The following TMTC1 variants were observed in gnomAD, a reference collection of about 807,000 sequenced individuals.
The protein encoded by TMTC1 is transmembrane O-mannosyltransferase targeting cadherins 1.
Under a neutral mutation model 104.8 loss-of-function variants are expected in TMTC1, and 73 were observed. That is an observed-to-expected ratio of 0.70 (90% CI 0.58 to 0.85). The LOEUF (loss-of-function observed/expected upper bound fraction) is 0.85. TMTC1 is among the 40% of genes least tolerant of loss of function. The pLI, the probability that TMTC1 is intolerant of heterozygous loss-of-function variation, is 0.00. For missense variants in TMTC1, 1,035 were observed against 1,096.1 expected (o/e 0.94, Z 0.79); for synonymous variants, 434 against 428.7 (o/e 1.01, Z -0.15).
chr12:29,592,278 C>T (rs774451805), intron 7 of TMTC1, among the ~76,000 whole-genome samples: 4 of 152,094 alleles, frequency 2.6e-5, no homozygotes, highest in Non-Finnish European at 5.9e-5. Flanking sequence ...TTTCTCCCCT[C>T]GTTTTTTATC....
rs11050276 is a variant in TMTC1, at chr12:29,536,022, C to T, written c.1785+187G>A. ...ACGGACCATCTTTGTCTAAAAGCGA[C>T]CTGTGATACACAGAGAATATTGGAG... On this transcript the variant is annotated intron_variant, in intron 11 of 17. Coordinates refer to ENST00000539277, the MANE Select transcript of TMTC1 (RefSeq NM_001193451.2). 5.1e-4 allele frequency: 289 copies of T among 562,958 alleles called. 1 individual carries two copies. In the East Asian group the frequency reaches 6.9e-3, roughly 13 times the overall value. The allele number at this position is 562,958 out of a possible 1,614,324, so 34.9% of individuals were successfully genotyped here. A position where few individuals can be genotyped will look rare whatever the true frequency, so the allele number is the denominator to read the frequency against.
Position 29,506,722 on chromosome 12 carries a change from A to T in TMTC1, c.*124T>A. ...ACCAGCAGATGTCCCAAAATGTGTC[A>T]CCCTGAACTCGGAATGAGAGAAAAT... On this transcript the variant is annotated 3_prime_UTR_variant, in exon 18 of 18. Transcript: ENST00000539277. The T allele has an allele frequency of 7.8e-7, 1 of 1,276,350 alleles. No homozygotes were observed. Among genetic ancestry groups the T allele is most frequent in the Non-Finnish European group, 1.1e-6 (1 of 899,204 alleles). The allele number at this position is 1,276,350 out of a possible 1,614,324, so 79.1% of individuals were successfully genotyped here.
chr12:29,507,524 T>C (rs1943725320), intron 17 of TMTC1, among the ~76,000 whole-genome samples: 2 of 152,202 alleles, frequency 1.3e-5, no homozygotes, highest in East Asian at 3.8e-4. Context: ...ATGAAAAGAC[T>C]TGATAAGAAT....
At chr12:29,723,509 A>G (rs1227862661) in intron 5 of TMTC1, among the ~76,000 whole-genome samples, 3 of 152,064 alleles carry the variant, frequency 2.0e-5, no homozygotes, top group African/African-American at 7.2e-5. Context: ...TCTCTTGAGC[A>G]CAGGAGTTAG....
chr12:29,713,410 AGTTTGGAG>A (rs1941992166), intron 5 of TMTC1, among the ~76,000 whole-genome samples: 2 of 151,600 alleles, frequency 1.3e-5, no homozygotes, highest in East Asian at 3.9e-4. Context: ...GTTCTCCATC[AGTTTGGAG>A]AACATTTGTG....
At chr12:29,696,621 G>A (rs903878501) in intron 5 of TMTC1, among the ~76,000 whole-genome samples, 2 of 152,118 alleles carry the variant, frequency 1.3e-5, no homozygotes, top group African/African-American at 4.8e-5. Context: ...AAAAGTGAAG[G>A]TTTATTCATG....
intron 6 of TMTC1, 45 bp from the exon 7 acceptor site, chr12:29,604,344 C>T (rs1178808286): frequency 6.2e-7 from 1 of 1,610,356 alleles, no homozygotes; most frequent in South Asian, 1.1e-5. Flanking sequence ...CTGTTGAATT[C>T]CACTTCAGGC....
chr12:29,600,008 AT>A (rs1555174499), intron 7 of TMTC1, among the ~76,000 whole-genome samples: 8,462 of 118,576 alleles, frequency 0.071, 452 homozygotes, highest in Non-Finnish European at 0.1. Flanking sequence ...ATATATATAT[AT>A]TTTTTTTTTT....
chr12:29,760,084 G>C (rs1943308882), intron 2 of TMTC1, among the ~76,000 whole-genome samples: 1 of 152,138 alleles, frequency 6.6e-6, no homozygotes, highest in Non-Finnish European at 1.5e-5. Context: ...GTTGCCTACA[G>C]TATTCAGTAC....
chr12:29,610,679 A>G (rs1592319566), intron 6 of TMTC1, among the ~76,000 whole-genome samples: 1 of 152,328 alleles, frequency 6.6e-6, no homozygotes, highest in Non-Finnish European at 1.5e-5. Context: ...CAGTGGTCAC[A>G]AGGTCACACT....
chr12:29,684,141 A>T (rs1313503214), intron 5 of TMTC1, among the ~76,000 whole-genome samples: 1 of 152,164 alleles, frequency 6.6e-6, no homozygotes, highest in African/African-American at 2.4e-5. Context: ...CCTGCGTCCA[A>T]CCCTTCCTAT....
intron 2 of TMTC1, among the ~76,000 whole-genome samples, chr12:29,759,877 A>G (rs1182538339): frequency 6.6e-6 from 1 of 152,224 alleles, no homozygotes; most frequent in Non-Finnish European, 1.5e-5. Context: ...GTACAATAAT[A>G]TATTATAAAC....
intron 1 of TMTC1, among the ~76,000 whole-genome samples, chr12:29,777,744 A>AT (rs1943745382): frequency 6.6e-6 from 1 of 152,192 alleles, no homozygotes. Flanking sequence ...TCTTGCCTCC[A>AT]ATCACATTTT....
intron 11 of TMTC1, among the ~76,000 whole-genome samples, chr12:29,527,935 CCTTCAG>C (rs1388558297): frequency 6.6e-6 from 1 of 152,120 alleles, no homozygotes; most frequent in African/African-American, 2.4e-5. Flanking sequence ...CAGCCCTACA[CCTTCAG>C]TAACCCCAAT....
intron 5 of TMTC1, among the ~76,000 whole-genome samples, chr12:29,742,543 T>A (rs991459742): frequency 6.6e-6 from 1 of 152,216 alleles, no homozygotes; most frequent in Admixed American, 6.5e-5. Flanking sequence ...TCCTACCATA[T>A]GACTATAAGG....
At chr12:29,757,055 A>G (rs1330941136) in intron 3 of TMTC1, among the ~76,000 whole-genome samples, 1 of 152,252 alleles carries the variant, frequency 6.6e-6, no homozygotes, top group African/African-American at 2.4e-5. Context: ...AATGAACAAG[A>G]AACAATTAAT....
intron 6 of TMTC1, among the ~76,000 whole-genome samples, chr12:29,628,806 C>T (rs963329869): frequency 9.2e-5 from 14 of 151,980 alleles, no homozygotes; most frequent in African/African-American, 1.7e-4. Flanking sequence ...GAAGTACAGG[C>T]GCACACCACT....
In TMTC1 at chr12:29,600,008, A is replaced by ATATAT. The variant is rs59108744; in HGVS notation, c.1250+4169_1250+4170insATATA. ...TGTGTATATACATATATATATATAT[A>ATATAT]TTTTTTTTTTTTTTTCCCTCAAAAG... On this transcript the variant is annotated intron_variant, in intron 7 of 17. Transcript: ENST00000539277. Among the ~76,000 whole-genome samples, 361 of 118,670 alleles carry ATATAT rather than the reference A, an allele frequency of 3.0e-3. 12 individuals carry two copies. The highest frequency in any genetic ancestry group is 0.01 in the African/African-American group (266 of 26,124). 77.9% of individuals were successfully genotyped at this position (118,670 alleles called of 152,430 possible).
At chr12:29,622,717 G>T (rs1038735252) in intron 6 of TMTC1, among the ~76,000 whole-genome samples, 2 of 152,094 alleles carry the variant, frequency 1.3e-5, no homozygotes, top group African/African-American at 4.8e-5. Context: ...GATCCAATAA[G>T]AAATTTCTAG....
Sources: allele counts gnomAD v4.1 joint callset (sites outside exome capture counted in the v4.1 genomes callset), GRCh38; gene constraint gnomAD v4.1.1; transcripts MANE v1.5; gene names NCBI Gene and HGNC (gene_info 2026-07-23, HGNC 2026-07-21).